Variants in ANK2 observed in about 807,000 individuals in gnomAD.
ANK2 encodes the protein ankyrin-2.
A neutral mutation model predicts 360.5 loss-of-function variants in ANK2; 83 were observed. That is an observed-to-expected ratio of 0.23 (90% confidence interval 0.19 to 0.28). The LOEUF (loss-of-function observed/expected upper bound fraction) is 0.28, where lower values mean the gene tolerates loss of function less well. Ranked by LOEUF, ANK2 falls within the 10% of genes least tolerant of loss-of-function variation. The pLI, the probability that ANK2 is intolerant of heterozygous loss-of-function variation, is 1.00. For synonymous variants in ANK2, 1,740 were observed against 1,759.5 expected (o/e 0.99, Z 0.28); for missense variants, 4,201 against 4,795.7 (o/e 0.88, Z 3.66).
intron 1 of ANK2, among the ~76,000 whole-genome samples, chr4:112,904,250 T>G (rs543494087): frequency 1.3e-5 from 2 of 152,334 alleles, no homozygotes; most frequent in South Asian, 2.1e-4. Flanking sequence ...TTTATCACAT[T>G]CTGTTTTGGC....
At chr4:113,268,507 G>A (rs376806639) in intron 14 of ANK2, among the ~76,000 whole-genome samples, 10 of 152,186 alleles carry the variant, frequency 6.6e-5, no homozygotes, top group South Asian at 2.1e-4. Context: ...TGAGATTATC[G>A]TGTAGTTTTT....
At chr4:113,058,975 CT>C (rs1373241002) in intron 1 of ANK2, among the ~76,000 whole-genome samples, 1 of 152,188 alleles carries the variant, frequency 6.6e-6, no homozygotes, top group East Asian at 1.9e-4. Context: ...GATTTGGTGT[CT>C]GATGAAGGCC....
chr4:113,120,585 A>G (rs2095285639), intron 1 of ANK2, among the ~76,000 whole-genome samples: 1 of 152,126 alleles, frequency 6.6e-6, no homozygotes, highest in South Asian at 2.1e-4. Flanking sequence ...TAAAACATAT[A>G]TTTATTTTAT....
At chr4:112,907,171 A>T (rs1481433086) in intron 2 of ANK2, among the ~76,000 whole-genome samples, 1 of 152,148 alleles carries the variant, frequency 6.6e-6, no homozygotes, top group Non-Finnish European at 1.5e-5. Flanking sequence ...CATTCTTTGG[A>T]CAGTAGAGTT....
intron 2 of ANK2, among the ~76,000 whole-genome samples, chr4:113,024,049 A>G (rs1192490996): frequency 6.6e-6 from 1 of 152,190 alleles, no homozygotes; most frequent in East Asian, 1.9e-4. Context: ...GTAGACTTCA[A>G]TTTAAACCTT....
At chr4:112,902,406 T>C (rs2083734222) in intron 1 of ANK2, among the ~76,000 whole-genome samples, 2 of 152,242 alleles carry the variant, frequency 1.3e-5, no homozygotes, top group African/African-American at 4.8e-5. Context: ...AGGTTCCTGT[T>C]GGCGCATTCA....
At chr4:112,982,695 ACCAATCAATC>A (rs2043472461) in intron 2 of ANK2, among the ~76,000 whole-genome samples, 1 of 152,216 alleles carries the variant, frequency 6.6e-6, no homozygotes, top group Non-Finnish European at 1.5e-5. Context: ...CTCTCATGTG[ACCAATCAATC>A]CCTGTTGGAA....
At chr4:113,152,079 GAA>G (rs1554193694) in intron 1 of ANK2, among the ~76,000 whole-genome samples, 1 of 25,488 alleles carries the variant, frequency 3.9e-5, no homozygotes, top group South Asian at 8.8e-4. Flanking sequence ...AAAAAAAAAA[GAA>G]AAAAAAAAAA....
At chr4:112,714,635 A>C in the ANK2 span, among the ~76,000 whole-genome samples, 1 of 152,350 alleles carries the variant, frequency 6.6e-6, no homozygotes, top group East Asian at 1.9e-4. Flanking sequence ...GTAATATGTC[A>C]CATCTCATAC....
chr4:113,139,703 G>A (rs1048818541), intron 1 of ANK2, among the ~76,000 whole-genome samples: 5 of 152,188 alleles, frequency 3.3e-5, no homozygotes, highest in South Asian at 2.1e-4. Flanking sequence ...GTCAGTCAGC[G>A]ACATTTATTG....
At chr4:113,233,383 C>T (rs1056312989) in intron 5 of ANK2, among the ~76,000 whole-genome samples, 4 of 151,696 alleles carry the variant, frequency 2.6e-5, no homozygotes, top group Admixed American at 6.6e-5. Flanking sequence ...GATCCGCCCG[C>T]CTCGGCCTCC....
In ANK2 at chr4:113,076,450, G is replaced by A. The variant is rs566595284; in HGVS notation, c.84+26638G>A. On this transcript the variant is annotated intron_variant, in intron 1 of 45. Coordinates refer to ENST00000357077, the MANE Select transcript of ANK2 (RefSeq NM_001148.6). ...GATTGATCCACCAACCTTTTTGAAG[G>A]AGATGATATTAGAAAATGATTTTGT... Among the ~76,000 whole-genome samples, 3 of 152,292 alleles carry A rather than the reference G, an allele frequency of 2.0e-5. No individual in the cohort carries two copies. The East Asian group carries it at 5.8e-4, about 29-fold the overall frequency.
intron 1 of ANK2, among the ~76,000 whole-genome samples, chr4:113,095,674 CTGTTTA>C (rs1357647507): frequency 1.3e-5 from 2 of 152,088 alleles, no homozygotes; most frequent in Non-Finnish European, 2.9e-5. Context: ...TTATACCTTT[CTGTTTA>C]TAAGTATAAT....
At chr4:112,731,466 G>A in the ANK2 span, among the ~76,000 whole-genome samples, 2 of 152,088 alleles carry the variant, frequency 1.3e-5, no homozygotes, top group Non-Finnish European at 2.9e-5. Flanking sequence ...GCTCATGCCT[G>A]TAATCCCAGC....
At chr4:112,792,471 G>A in the ANK2 span, among the ~76,000 whole-genome samples, 1 of 152,188 alleles carries the variant, frequency 6.6e-6, no homozygotes, top group East Asian at 1.9e-4. Flanking sequence ...TACTGTACAA[G>A]TAGTATTGCC....
At chr4:112,724,304 A>G in the ANK2 span, among the ~76,000 whole-genome samples, 1 of 152,072 alleles carries the variant, frequency 6.6e-6, no homozygotes, top group Non-Finnish European at 1.5e-5. Context: ...ACCTCAGGTG[A>G]TCCGCCGCCC....
chr4:112,822,278 C>CGTGGTGGCATGTGCCTGTA (rs2057329062), intron 1 of ANK2, among the ~76,000 whole-genome samples: 2 of 144,874 alleles, frequency 1.4e-5, no homozygotes, highest in South Asian at 4.4e-4. Flanking sequence ...ATTAGCCGGG[C>CGTGGTGGCATGTGCCTGTA]GTGGTGGCAT....
the ANK2 span, among the ~76,000 whole-genome samples, chr4:112,756,659 A>AT: frequency 6.6e-6 from 1 of 152,168 alleles, no homozygotes; most frequent in East Asian, 1.9e-4. Flanking sequence ...CGAGTAAGAG[A>AT]TTTTTTGAGC....
At chr4:113,301,700 T>C (rs1331700665) in intron 22 of ANK2, among the ~76,000 whole-genome samples, 2 of 152,210 alleles carry the variant, frequency 1.3e-5, no homozygotes, top group Non-Finnish European at 2.9e-5. Context: ...GTGAGTTTTT[T>C]AGATTCCACA....
Sources: gnomAD v4.1 joint callset for allele counts (sites outside exome capture counted in the v4.1 genomes callset) on GRCh38, gnomAD v4.1.1 for gene constraint, MANE v1.5 for transcripts, NCBI Gene and HGNC (gene_info 2026-07-23, HGNC 2026-07-21) for gene names.